VAT1L: variants seen among roughly 807,000 people sequenced by gnomAD.
VAT1L encodes the protein putative NADPH-dependent quinone oxidoreductase VAT1L.
A neutral mutation model predicts 44.1 loss-of-function variants in VAT1L; 34 were observed. That is an observed-to-expected ratio of 0.77 (90% CI 0.59 to 1.03). The LOEUF (loss-of-function observed/expected upper bound fraction) is 1.03. Ranked by LOEUF, VAT1L falls within the 50% of genes least tolerant of loss-of-function variation. VAT1L has a pLI of 0.00. For synonymous variants in VAT1L, 253 were observed against 202.2 expected (o/e 1.25, Z -2.13); for missense variants, 615 against 538.8 (o/e 1.14, Z -1.40).
intron 5 of VAT1L, among the ~76,000 whole-genome samples, chr16:77,877,337 C>T (rs554104425): frequency 1.6e-4 from 24 of 151,748 alleles, no homozygotes; most frequent in African/African-American, 3.9e-4. Context: ...GGTGAAACCC[C>T]GTCTCTACTA....
intron 7 of VAT1L, among the ~76,000 whole-genome samples, chr16:77,897,378 G>A (rs1008896149): frequency 6.6e-6 from 1 of 152,172 alleles, no homozygotes; most frequent in African/African-American, 2.4e-5. Flanking sequence ...CTTGTACACT[G>A]TAAACCACTC....
chr16:77,978,671 A>G lies in VAT1L; in HGVS notation c.*976A>G, dbSNP rs2142551812. On this transcript the variant is annotated 3_prime_UTR_variant, in exon 9 of 9. Coordinates refer to ENST00000302536, the MANE Select transcript of VAT1L (RefSeq NM_020927.3). ...CTTCCTTGCCAAAGCATGTCCCAAC[A>G]TGTAACAAACTCTAGGGATACAAAA... The G allele has an allele frequency of 6.6e-6, 1 of 152,336 alleles. No individual in the cohort carries two copies. Among genetic ancestry groups the G allele is most frequent in the Admixed American group, 6.5e-5 (1 of 15,298 alleles). 9.4% of individuals were successfully genotyped at this position (152,336 alleles called of 1,614,324 possible).
intron 2 of VAT1L, among the ~76,000 whole-genome samples, chr16:77,818,898 T>G (rs2145238588): frequency 6.6e-6 from 1 of 152,328 alleles, no homozygotes; most frequent in African/African-American, 2.4e-5. Context: ...AGCAGCACAC[T>G]GAATAGCTCT....
chr16:77,808,407 GTAA>G (rs2016202203), intron 1 of VAT1L, among the ~76,000 whole-genome samples: 1 of 152,070 alleles, frequency 6.6e-6, no homozygotes, highest in Admixed American at 6.6e-5. Flanking sequence ...ATATTACAAT[GTAA>G]TAATAATAGA....
At chr16:77,893,870 G>C (rs531948987) in intron 7 of VAT1L, among the ~76,000 whole-genome samples, 4 of 152,282 alleles carry the variant, frequency 2.6e-5, no homozygotes, top group Admixed American at 6.5e-5. Flanking sequence ...ATTGAAGAAT[G>C]AGCAAAATAA....
intron 7 of VAT1L, among the ~76,000 whole-genome samples, chr16:77,954,603 C>T (rs946666972): frequency 1.3e-5 from 2 of 152,108 alleles, no homozygotes; most frequent in Non-Finnish European, 1.5e-5. Flanking sequence ...CCAGCCTGGG[C>T]GACAGAGCGA....
At chr16:77,846,697 C>G (rs1302635386) in intron 3 of VAT1L, among the ~76,000 whole-genome samples, 1 of 152,076 alleles carries the variant, frequency 6.6e-6, no homozygotes, top group Non-Finnish European at 1.5e-5. Flanking sequence ...AATTTCTTGT[C>G]AGATAGTTGG....
intron 7 of VAT1L, among the ~76,000 whole-genome samples, chr16:77,895,100 C>CCACACA (rs67138523): frequency 1.7e-3 from 246 of 144,846 alleles, no homozygotes; most frequent in Non-Finnish European, 2.4e-3. Context: ...AGCCACTTGC[C>CCACACA]CACACACACA....
rs182536746 is a variant in VAT1L, at chr16:77,885,238, C to T, written c.1077+436C>T. Among the ~76,000 whole-genome samples the T allele has an allele frequency of 6.5e-4, 99 of 152,266 alleles. 1 individual carries two copies. The highest frequency in any genetic ancestry group is 9.7e-4 in the East Asian group (5 of 5,176). Reference sequence around the variant, plus strand: ...AGCCCCGATGAGACATTAGCTATCACGATGGACTTTGGAATTACTGCTGAA... The same window carrying T: ...AGCCCCGATGAGACATTAGCTATCATGATGGACTTTGGAATTACTGCTGAA... On this transcript the variant is annotated intron_variant, in intron 7 of 8. Transcript: ENST00000302536.
intron 7 of VAT1L, among the ~76,000 whole-genome samples, chr16:77,885,349 A>G (rs2017199118): frequency 1.3e-5 from 2 of 152,308 alleles, no homozygotes; most frequent in South Asian, 4.1e-4. Flanking sequence ...TGATCACAAG[A>G]ACATTAAGAA....
At chr16:77,830,662 G>C (rs959613113) in intron 3 of VAT1L, among the ~76,000 whole-genome samples, 1 of 152,098 alleles carries the variant, frequency 6.6e-6, no homozygotes, top group Non-Finnish European at 1.5e-5. Context: ...CAGCCATGTG[G>C]AACTGTGAGT....
chr16:77,915,561 G>T (rs2017543312), intron 7 of VAT1L, among the ~76,000 whole-genome samples: 1 of 152,176 alleles, frequency 6.6e-6, no homozygotes, highest in Admixed American at 6.5e-5. Flanking sequence ...TCACCAAGAA[G>T]GCTTCCCCAG....
chr16:77,824,807 A>G (rs2016499167), intron 2 of VAT1L, among the ~76,000 whole-genome samples: 1 of 151,250 alleles, frequency 6.6e-6, no homozygotes, highest in South Asian at 2.1e-4. Flanking sequence ...AGAGTTCTCA[A>G]GTGTATGAGT....
intron 7 of VAT1L, among the ~76,000 whole-genome samples, chr16:77,914,901 G>A (rs566950413): frequency 3.9e-5 from 6 of 152,288 alleles, no homozygotes; most frequent in Admixed American, 2.6e-4. Context: ...TAAGGCAGGC[G>A]GATCACCTGA....
chr16:77,794,807 T>C (rs929480326), intron 1 of VAT1L, among the ~76,000 whole-genome samples: 1 of 152,288 alleles, frequency 6.6e-6, no homozygotes, highest in East Asian at 1.9e-4. Context: ...TGCTGAGTCA[T>C]ATTTAAGGCT....
intron 1 of VAT1L, among the ~76,000 whole-genome samples, chr16:77,813,765 G>T (rs988394432): frequency 6.6e-6 from 1 of 152,120 alleles, no homozygotes; most frequent in Non-Finnish European, 1.5e-5. Flanking sequence ...TAGTTTTACA[G>T]AGAACACCCA....
At chr16:77,895,189 G>A (rs2017310828) in intron 7 of VAT1L, among the ~76,000 whole-genome samples, 1 of 150,806 alleles carries the variant, frequency 6.6e-6, no homozygotes, top group South Asian at 2.1e-4. Context: ...AAACTTACCA[G>A]CACTATCACG....
intron 1 of VAT1L, among the ~76,000 whole-genome samples, chr16:77,796,984 G>A (rs992343218): frequency 2.0e-5 from 3 of 152,132 alleles, no homozygotes; most frequent in African/African-American, 7.2e-5. Flanking sequence ...GTGTGAGGGT[G>A]GGAGGAAGAT....
intron 7 of VAT1L, among the ~76,000 whole-genome samples, chr16:77,956,832 T>A (rs983463568): frequency 2.0e-5 from 3 of 152,230 alleles, no homozygotes; most frequent in African/African-American, 7.2e-5. Flanking sequence ...CCCAGACTCT[T>A]TATCCCAGGC....
Sources: allele counts gnomAD v4.1 joint callset (sites outside exome capture counted in the v4.1 genomes callset), GRCh38; gene constraint gnomAD v4.1.1; transcripts MANE v1.5; gene names NCBI Gene and HGNC (gene_info 2026-07-23, HGNC 2026-07-21).